The following LONRF3 variants were observed in gnomAD, a reference collection of about 807,000 sequenced individuals.
The protein encoded by LONRF3 is LON peptidase N-terminal domain and ring finger 3.
Under a neutral mutation model 51.7 loss-of-function variants are expected in LONRF3, and 19 were observed. That is an observed-to-expected ratio of 0.37 (90% CI 0.26 to 0.54). The LOEUF is 0.54. LONRF3 is among the 20% of genes least tolerant of loss of function. The pLI, the probability that LONRF3 is intolerant of heterozygous loss-of-function variation, is 0.86. For missense variants in LONRF3, 521 were observed against 623.9 expected, an observed-to-expected ratio of 0.84 and a Z score of 1.76; for synonymous variants, 265 against 257.8, an observed-to-expected ratio of 1.03 and a Z score of -0.27.
rs1424396923 is a variant in LONRF3 at position 118,974,688 on chromosome X, C to A, written c.-93C>A. The A allele has an allele frequency of 3.7e-6, 3 of 806,387 alleles. No individual in the cohort carries two copies. In the African/African-American group the frequency reaches 6.4e-5, roughly 17 times the overall value. The allele number at this position is 806,387 out of a possible 1,213,427, so 66.5% of individuals were successfully genotyped here. On this transcript the variant is annotated 5_prime_UTR_variant, in exon 1 of 11. Coordinates refer to ENST00000371628, the MANE Select transcript of LONRF3 (RefSeq NM_001031855.3). ...CAGGGTCAGGAGCTCGGTGGCATGGCGGCGGTGGCTGCCCCGATTTCCTCC... is the reference window on the plus strand; with the variant it reads ...CAGGGTCAGGAGCTCGGTGGCATGGAGGCGGTGGCTGCCCCGATTTCCTCC...
chrX:118,994,252 G>A (rs1318268401), intron 5 of LONRF3, among the ~76,000 whole-genome samples: 2 of 111,536 alleles, frequency 1.8e-5, no homozygotes, highest in South Asian at 3.7e-4. Flanking sequence ...ACCGCAGAAT[G>A]GATAAGAACT....
Position 119,017,675 on chromosome X carries a change from C to T in LONRF3, c.2265C>T (p.Ser755=). ...NGIRRVLAFI[S]RNQN ...TTCGACGAGTCCTGGCCTTCATATC[C>T]CGAAACCAAAACTAGTGAGTGGATT... The change falls in exon 11 of 11, where the codon TCC becomes TCT. Residue 755 remains serine, a synonymous_variant. Coordinates refer to ENST00000371628, the MANE Select transcript of LONRF3 (RefSeq NM_001031855.3). 8.4e-7 allele frequency: 1 copy of T among 1,194,805 alleles called. No individual in the cohort carries two copies. Among genetic ancestry groups the T allele is most frequent in the Non-Finnish European group, 1.1e-6 (1 of 886,783 alleles).
chrX:119,013,276 G>C, intron 9 of LONRF3, 75 bp downstream of exon 9: 1 of 1,030,993 alleles, frequency 9.7e-7, no homozygotes. Context: ...AGTTGTGAAA[G>C]GATTTCTCAG....
chrX:119,006,400 T>TC (rs1343734975), intron 6 of LONRF3, among the ~76,000 whole-genome samples, 165 bp downstream of exon 6: 1 of 95,666 alleles, frequency 1.0e-5, no homozygotes, highest in Non-Finnish European at 2.1e-5. Context: ...CCTGTCTTCT[T>TC]TTTTTTTTTT....
In LONRF3 at chrX:118,975,416, C is replaced by T. The variant is rs1284758045; in HGVS notation, c.636C>T (p.Ala212=). 1.7e-6 allele frequency: 2 copies of T among 1,194,005 alleles called. No individual in the cohort carries two copies. Among genetic ancestry groups the T allele is most frequent in the Non-Finnish European group, 2.3e-6 (2 of 887,328 alleles). The change falls in exon 1 of 11, where the codon GCC becomes GCT. Residue 212 remains alanine, a synonymous_variant. Transcript: ENST00000371628. ...TGGCCACTGGGCGGGCGCGTGGAGC[C>T]CGGCGGGCTGGGCAGCAGCCGCCGC... is the stretch of plus-strand genomic sequence containing the variant. The part of the protein sequence containing the change: ...LMVATGRARG[A]RRAGQQPPPP...
In LONRF3 at chrX:118,989,501, G is replaced by C. The variant is rs376460136; in HGVS notation, c.1153G>C (p.Asp385His). 1.7e-6 allele frequency: 2 copies of C among 1,211,837 alleles called. No individual in the cohort carries two copies. Among genetic ancestry groups the C allele is most frequent in the Non-Finnish European group, 2.2e-6 (2 of 895,529 alleles). Residue 385 changes from aspartate to histidine, a missense_variant, in exon 4 of 11, where the codon GAT (aspartate) becomes CAT (histidine). By Grantham distance (81) the Asp-to-His change is moderately conservative. This residue lies in a region of LONRF3 where 376 missense variants were observed against 376.7 expected (regional missense o/e 1.00). Transcript: ENST00000371628. The part of the protein sequence containing the change: ...SLMDPAKVKG[D>H]GQQHHMKDQE... The stretch of plus-strand genomic sequence containing the variant: ...GATGGACCCAGCTAAAGTGAAGGGG[G>C]ATGGTCAGCAGCACCACATGAAAGA...
chrX:119,014,859 G>A (rs751219885), intron 10 of LONRF3, among the ~76,000 whole-genome samples: 5 of 111,695 alleles, frequency 4.5e-5, no homozygotes, highest in Admixed American at 9.5e-5. Context: ...AAAACTTTTC[G>A]TGCCTCGGTC....
In LONRF3 at chrX:118,975,391, T is replaced by C; in HGVS notation, c.611T>C (p.Val204Ala). The change falls in exon 1 of 11, where the codon GTG (valine) becomes GCG (alanine). Residue 204 changes from valine (V) to alanine (A), a missense_variant. By Grantham distance (64) the Val-to-Ala change is moderately conservative. This residue lies in a region of LONRF3 where 376 missense variants were observed against 376.7 expected (regional missense o/e 1.00). Coordinates refer to ENST00000371628, the MANE Select transcript of LONRF3 (RefSeq NM_001031855.3). ...GGGGTCAAGCTCTCCGCCTTGATGG[T>C]GGCCACTGGGCGGGCGCGTGGAGCC... ...LCGVKLSALM[V>A]ATGRARGARR... 2.5e-6 allele frequency: 3 copies of C among 1,204,420 alleles called. No individual in the cohort carries two copies. Among genetic ancestry groups the C allele is most frequent in the South Asian group, 1.8e-5 (1 of 56,167 alleles).
At chrX:118,976,653 C>T (rs1447423110) in intron 1 of LONRF3, 1 of 113,012 alleles carries the variant, frequency 8.8e-6, no homozygotes, top group African/African-American at 3.2e-5. Context: ...AGTCCCCCAT[C>T]TCCAGCTAGA....
intron 5 of LONRF3, among the ~76,000 whole-genome samples, chrX:118,994,509 T>A (rs1442325747): frequency 3.6e-5 from 4 of 110,654 alleles, no homozygotes; most frequent in Non-Finnish European, 7.6e-5. Flanking sequence ...TTCAAGCGAT[T>A]CTCCTGCCTC....
chrX:118,993,356 A>G (rs1282898601), intron 5 of LONRF3, among the ~76,000 whole-genome samples: 2 of 111,784 alleles, frequency 1.8e-5, no homozygotes, highest in African/African-American at 6.5e-5. Flanking sequence ...GAAACTTTGG[A>G]CACTCTTTTA....
intron 5 of LONRF3, among the ~76,000 whole-genome samples, chrX:118,994,416 T>C (rs1314671410): frequency 9.1e-6 from 1 of 110,269 alleles, no homozygotes; most frequent in Non-Finnish European, 1.9e-5. Flanking sequence ...AAATTTTTTT[T>C]TTTTTGAGAC....
intron 5 of LONRF3, among the ~76,000 whole-genome samples, chrX:118,991,852 T>C (rs1923450226): frequency 1.1e-5 from 1 of 88,230 alleles, no homozygotes; most frequent in Non-Finnish European, 2.2e-5. Flanking sequence ...AGATACTCAG[T>C]AAATGTTAAC....
chrX:119,007,356 CA>C (rs776544305), intron 6 of LONRF3, among the ~76,000 whole-genome samples: 1 of 111,675 alleles, frequency 9.0e-6, no homozygotes, highest in African/African-American at 3.3e-5. Context: ...TTGTCCAACC[CA>C]TCAGGAGCCA....
Position 118,985,509 on chromosome X carries a change from C to A in LONRF3, c.1059+2566C>A, listed in dbSNP as rs189257468. 1.2e-4 allele frequency among the ~76,000 whole-genome samples: 14 copies of A among 112,097 alleles called. No homozygotes were observed. The East Asian group carries it at 3.9e-3, about 31-fold the overall frequency. On this transcript the variant is annotated intron_variant, in intron 3 of 10. Transcript: ENST00000371628. ...AAGGATCAATCTGAGGACTTTGGGC[C>A]TGAATGCTAGGCCTCTCCCTGGGCC...
In LONRF3 at chrX:118,975,102, G is replaced by GT; in HGVS notation, c.323dup (p.Arg109AlafsTer22). On this transcript the variant is annotated frameshift_variant, in exon 1 of 11. Transcript: ENST00000371628. LOFTEE classifies it high-confidence loss of function. ...GGTGGCTGAGCAGCTGGAGCAGCTGGTGCGCTGCCTGGCGGAGAAAGTCCC... is the reference window on the plus strand; with the variant it reads ...GGTGGCTGAGCAGCTGGAGCAGCTGGTTGCGCTGCCTGGCGGAGAAAGTCCC... 1 of 1,171,605 alleles carries GT rather than the reference G, an allele frequency of 8.5e-7. No individual in the cohort carries two copies. The highest frequency in any genetic ancestry group is 1.1e-6 in the Non-Finnish European group (1 of 875,786).
At chrX:118,989,737 GTTAC>G in intron 4 of LONRF3, 65 bp downstream of exon 4, 1 of 1,102,852 alleles carries the variant, frequency 9.1e-7, no homozygotes, top group Non-Finnish European at 1.2e-6. Flanking sequence ...ATATATACAA[GTTAC>G]TTACCTCTGT....
chrX:119,011,426 C>T, intron 7 of LONRF3, among the ~76,000 whole-genome samples: 2 of 111,621 alleles, frequency 1.8e-5, no homozygotes, highest in Middle Eastern at 4.6e-3. Context: ...GCAACCTTCC[C>T]CATGCAGCCT....
chrX:118,996,887 G>A (rs1294158506), intron 5 of LONRF3, among the ~76,000 whole-genome samples: 10 of 102,015 alleles, frequency 9.8e-5, no homozygotes, highest in East Asian at 3.1e-4. Flanking sequence ...ACACCACTGC[G>A]CTCCAGCCTG....
Sources: gnomAD v4.1 joint callset for allele counts (sites outside exome capture counted in the v4.1 genomes callset) on GRCh38, gnomAD v4.1.1 for gene constraint, gnomAD v4.1.1 regional missense constraint, MANE v1.5 for transcripts, NCBI Gene and HGNC (gene_info 2026-07-23, HGNC 2026-07-21) for gene names.